MAP3K20: variants seen among roughly 807,000 people sequenced by gnomAD.
MAP3K20 encodes HCCS-4.
Under a neutral mutation model 85.7 loss-of-function variants are expected in MAP3K20, and 40 were observed. The observed-to-expected ratio is 0.47, with a 90% CI of 0.36 to 0.61. MAP3K20 has a LOEUF of 0.61. Among genes scored for constraint, MAP3K20 ranks in the 20% least tolerant of loss-of-function variants. The pLI, the probability that MAP3K20 is intolerant of heterozygous loss-of-function variation, is 0.00. For missense variants in MAP3K20, 817 were observed against 961.7 expected, an observed-to-expected ratio of 0.85 and a Z score of 1.99; for synonymous variants, 325 against 327.7, an observed-to-expected ratio of 0.99 and a Z score of 0.09.
intron 11 of MAP3K20, chr2:173,223,341 A>C: frequency 2.3e-6 from 2 of 883,688 alleles, no homozygotes; most frequent in Non-Finnish European, 2.7e-6. Context: ...GCGTGGGAAT[A>C]ATAACAGTAC....
chr2:173,098,397 A>T (rs1687525946), intron 2 of MAP3K20, among the ~76,000 whole-genome samples: 1 of 152,224 alleles, frequency 6.6e-6, no homozygotes, highest in Non-Finnish European at 1.5e-5. Flanking sequence ...CAAGTGGAAA[A>T]TATCACACCT....
At chr2:173,099,110 T>G (rs996982913) in intron 2 of MAP3K20, among the ~76,000 whole-genome samples, 2 of 152,176 alleles carry the variant, frequency 1.3e-5, no homozygotes, top group Non-Finnish European at 2.9e-5. Flanking sequence ...CTTAGAGGCC[T>G]TTAGGCTCTT....
intron 2 of MAP3K20, among the ~76,000 whole-genome samples, chr2:173,129,914 C>T (rs542070266): frequency 2.6e-5 from 4 of 152,242 alleles, no homozygotes; most frequent in African/African-American, 9.6e-5. Flanking sequence ...AGAGTATTTA[C>T]TGTTGATAAA....
chr2:173,262,419 G>A (rs1685318433), intron 18 of MAP3K20, among the ~76,000 whole-genome samples: 1 of 152,094 alleles, frequency 6.6e-6, no homozygotes, highest in Non-Finnish European at 1.5e-5. Context: ...GGCCAACATG[G>A]TAAAACGTCA....
intron 2 of MAP3K20, among the ~76,000 whole-genome samples, chr2:173,110,427 A>C (rs1208252268): frequency 6.6e-6 from 1 of 150,474 alleles, no homozygotes; most frequent in African/African-American, 2.4e-5. Flanking sequence ...CTAATTAAAA[A>C]AAATTTTTTT....
chr2:173,239,508 T>G lies in MAP3K20; in HGVS notation c.1359+12T>G. 6.2e-7 allele frequency: 1 copy of G among 1,608,096 alleles called. No homozygotes were observed. The highest frequency in any genetic ancestry group is 8.5e-7 in the Non-Finnish European group (1 of 1,177,838). ...GAACTGGCCCACAGGTAAATCACAT[T>G]TTAAATCCTTTGGATAAATCTCAAT... On this transcript the variant is annotated intron_variant, in intron 16 of 19. Coordinates refer to ENST00000375213, the MANE Select transcript of MAP3K20 (RefSeq NM_016653.3).
chr2:173,213,556 C>T (rs1480685662), intron 10 of MAP3K20, among the ~76,000 whole-genome samples: 1 of 152,164 alleles, frequency 6.6e-6, no homozygotes, highest in Non-Finnish European at 1.5e-5. Flanking sequence ...CTTTTTTAAT[C>T]CCCATAGCAA....
chr2:173,122,892 A>G (rs1202241661), intron 2 of MAP3K20, among the ~76,000 whole-genome samples: 1 of 152,198 alleles, frequency 6.6e-6, no homozygotes, highest in African/African-American at 2.4e-5. Flanking sequence ...CAAAGAAACC[A>G]GGAAGCTCAT....
rs1340625745 is a variant in MAP3K20 at position 173,266,340 on chromosome 2, G to A, written c.1993G>A (p.Asp665Asn). ...RDSGFSSGNT[D>N]TSSERGRYSD... ...CAGTGGCTTTTCCAGTGGCAATACT[G>A]ACACCTCTTCAGAGAGGGGTCGATA... The change falls in exon 20 of 20, where the codon GAC (aspartate) becomes AAC (asparagine). Residue 665 changes from aspartate to asparagine, a missense_variant. By Grantham distance (23) the Asp-to-Asn change is conservative. Coordinates refer to ENST00000375213, the MANE Select transcript of MAP3K20 (RefSeq NM_016653.3). 1 of 1,614,032 alleles carries A rather than the reference G, an allele frequency of 6.2e-7. No homozygotes were observed. The highest frequency in any genetic ancestry group is 1.1e-5 in the South Asian group (1 of 91,052).
At chr2:173,165,785 C>T (rs1390415299) in intron 2 of MAP3K20, among the ~76,000 whole-genome samples, 1 of 152,192 alleles carries the variant, frequency 6.6e-6, no homozygotes. Context: ...CATCCTACTG[C>T]CTCAGCCTCC....
In MAP3K20 at chr2:173,117,948, T is replaced by C. The variant is rs150834842; in HGVS notation, c.159+26758T>C. 2.4e-3 allele frequency among the ~76,000 whole-genome samples: 359 copies of C among 152,248 alleles called. 3 individuals are homozygous for C. The highest frequency in any genetic ancestry group is 8.2e-3 in the African/African-American group (341 of 41,544). ...GGGGGTGATAGATGCTTGAGGGGGA[T>C]GGCAAAAGGAAAGATGTGAGTACAG... On this transcript the variant is annotated intron_variant, in intron 2 of 19. Transcript: ENST00000375213.
At chr2:173,090,510 G>A in intron 1 of MAP3K20, 1 of 534,148 alleles carries the variant, frequency 1.9e-6, no homozygotes, top group Non-Finnish European at 2.4e-6. Context: ...TCAGTTTGCA[G>A]CCGTTTGGCT....
chr2:173,138,243 A>C (rs879514444), intron 2 of MAP3K20, among the ~76,000 whole-genome samples: 1 of 152,226 alleles, frequency 6.6e-6, no homozygotes, highest in Non-Finnish European at 1.5e-5. Context: ...TGCTGGGATT[A>C]TAGGCGTGAG....
intron 2 of MAP3K20, chr2:173,166,910 G>GGT (rs1249614221): frequency 2.6e-5 from 3 of 113,866 alleles, no homozygotes; most frequent in Non-Finnish European, 3.5e-5. Context: ...CAGTTTTTCT[G>GGT]TTTTTTTTTT....
At chr2:173,169,425 T>C (rs1433254412) in intron 2 of MAP3K20, among the ~76,000 whole-genome samples, 1 of 152,006 alleles carries the variant, frequency 6.6e-6, no homozygotes, top group African/African-American at 2.4e-5. Context: ...TAAATGTACA[T>C]AGAAGAAAAC....
chr2:173,140,455 A>G (rs1369070411), intron 2 of MAP3K20, among the ~76,000 whole-genome samples: 4 of 152,038 alleles, frequency 2.6e-5, no homozygotes, highest in African/African-American at 9.7e-5. Flanking sequence ...AATTCAAGTG[A>G]TTCTTCTGCC....
intron 9 of MAP3K20, 150 bp downstream of exon 9, chr2:173,204,020 G>A: frequency 1.5e-6 from 1 of 680,130 alleles, no homozygotes; most frequent in East Asian, 2.7e-5. Context: ...AAGGTTTTCT[G>A]TTGACATTCT....
intron 11 of MAP3K20, chr2:173,226,102 G>A (rs1040513532): frequency 1.0e-6 from 1 of 979,554 alleles, no homozygotes. Flanking sequence ...TTTAACCAGT[G>A]ATTTTTAACG....
chr2:173,252,967 C>A (rs79157436), intron 16 of MAP3K20, among the ~76,000 whole-genome samples: 15,699 of 152,242 alleles, frequency 0.1, 1,573 homozygotes, highest in East Asian at 0.57. Context: ...TCCTTCTTTG[C>A]TTCATTTCAT....
Sources: allele counts gnomAD v4.1 joint callset (sites outside exome capture counted in the v4.1 genomes callset), GRCh38; gene constraint gnomAD v4.1.1; transcripts MANE v1.5; gene names NCBI Gene and HGNC (gene_info 2026-07-23, HGNC 2026-07-21).